Variants in SLFN12L observed in about 807,000 individuals in gnomAD.
SLFN12L encodes the protein schlafen family member 12-like.
Under a neutral mutation model 34.8 loss-of-function variants are expected in SLFN12L, and 34 were observed. The ratio of observed to expected loss-of-function variants is 0.98; its 90% CI spans 0.74 to 1.30. SLFN12L has a LOEUF of 1.30. Among genes scored for constraint, SLFN12L ranks in the 50% most tolerant of loss-of-function variants. The pLI is 0.00. For synonymous variants in SLFN12L, 259 were observed against 247.5 expected (o/e 1.05, Z -0.44); for missense variants, 703 against 696.2 (o/e 1.01, Z -0.11).
intron 2 of SLFN12L, among the ~76,000 whole-genome samples, chr17:35,514,353 G>A (rs1915746589): frequency 6.6e-6 from 1 of 152,158 alleles, no homozygotes; most frequent in Admixed American, 6.5e-5. Context: ...TCACAAACAC[G>A]ATCAAGTCTC....
intron 2 of SLFN12L, among the ~76,000 whole-genome samples, chr17:35,486,961 G>C (rs576905939): frequency 6.6e-6 from 1 of 152,322 alleles, no homozygotes; most frequent in South Asian, 2.1e-4. Context: ...CATTTAGTTC[G>C]GAACAGCACT....
intron 2 of SLFN12L, among the ~76,000 whole-genome samples, chr17:35,481,647 C>T (rs558191365): frequency 5.9e-5 from 9 of 152,270 alleles, no homozygotes; most frequent in South Asian, 4.1e-4. Flanking sequence ...TCAATAACAG[C>T]GCAGCCTGGC....
chr17:35,519,196 G>T (rs767331364), intron 2 of SLFN12L, among the ~76,000 whole-genome samples: 2 of 152,074 alleles, frequency 1.3e-5, no homozygotes, highest in African/African-American at 4.8e-5. Context: ...CAGAGGGTAG[G>T]GGGGCAAGGA....
At chr17:35,480,542 T>G (rs1426699390) in intron 2 of SLFN12L, 1 of 191,846 alleles carries the variant, frequency 5.2e-6, no homozygotes, top group Non-Finnish European at 1.0e-5. Flanking sequence ...TTTTATTTTC[T>G]CAGTGGACAA....
intron 2 of SLFN12L, among the ~76,000 whole-genome samples, chr17:35,513,519 GACAGATGCCACCAAGTACCA>G (rs929695670): frequency 1.1e-4 from 16 of 152,274 alleles, no homozygotes; most frequent in East Asian, 5.8e-4. Context: ...TGCTCAGTTC[GACAGATGCCACCAAGTACCA>G]ACAGATGCCA....
intron 2 of SLFN12L, among the ~76,000 whole-genome samples, chr17:35,503,912 AC>A (rs1244676562): frequency 1.3e-5 from 2 of 152,026 alleles, no homozygotes; most frequent in Non-Finnish European, 2.9e-5. Flanking sequence ...GACTCATCAC[AC>A]CCAAGCCAAG....
Position 35,475,379 on chromosome 17 carries a change from A to T in SLFN12L, c.1383T>A (p.Asn461Lys). The change falls in exon 5 of 5, where the codon AAT (asparagine) becomes AAA (lysine). Residue 461 changes from asparagine to lysine, a missense_variant. By Grantham distance (94) the Asn-to-Lys change is moderately conservative. Coordinates refer to ENST00000628453, the MANE Select transcript of SLFN12L (RefSeq NM_001363830.2). ...QLICEEMGSV[N>K]KGSLIFSRSW... is the part of the protein sequence containing the mutation. ...TCCTAGAGAAGATCAGTGAGCCCTTATTGACAGAGCCCATTTCTTCACATA... is the reference window on the plus strand; with the variant it reads ...TCCTAGAGAAGATCAGTGAGCCCTTTTTGACAGAGCCCATTTCTTCACATA... 5.0e-6 allele frequency: 8 copies of T among 1,614,212 alleles called. No homozygotes were observed. Among genetic ancestry groups the T allele is most frequent in the Middle Eastern group, 1.6e-4 (1 of 6,062 alleles).
intron 1 of SLFN12L, among the ~76,000 whole-genome samples, chr17:35,530,497 A>AG (rs2072395265): frequency 2.6e-5 from 1 of 37,824 alleles, no homozygotes; most frequent in African/African-American, 7.4e-5. Context: ...AGAAAGAAAG[A>AG]AAGAAAGAAA....
chr17:35,525,572 A>G (rs940528680), intron 1 of SLFN12L, among the ~76,000 whole-genome samples: 1 of 152,240 alleles, frequency 6.6e-6, no homozygotes, highest in Non-Finnish European at 1.5e-5. Flanking sequence ...TCTTAAAGAA[A>G]AGAATCGTCA....
At position 35,471,807 on chromosome 17, in the gene SLFN12L, A is replaced by G. The variant is rs956144873; in HGVS notation, c.*3116T>C. Among the ~76,000 whole-genome samples the G allele has an allele frequency of 2.6e-5, 4 of 152,040 alleles. No individual in the cohort carries two copies. Among genetic ancestry groups the G allele is most frequent in the African/African-American group, 9.7e-5 (4 of 41,410 alleles). On this transcript the variant is annotated 3_prime_UTR_variant, in exon 5 of 5. Transcript: ENST00000628453. ...TGTGGTTTTGATTTGCATTTCTCTA[A>G]TGATAAGTGATGTTGAGTTTTTTTT...
At chr17:35,497,910 C>A (rs1188378099) in intron 2 of SLFN12L, among the ~76,000 whole-genome samples, 1 of 152,268 alleles carries the variant, frequency 6.6e-6, no homozygotes, top group East Asian at 1.9e-4. Context: ...TTGGGCCAGG[C>A]GAAGTGGCTC....
At chr17:35,498,597 C>T in intron 2 of SLFN12L, 1 of 1,599,432 alleles carries the variant, frequency 6.3e-7, no homozygotes, top group Non-Finnish European at 8.6e-7. Flanking sequence ...TGGAATGTTT[C>T]TGCAGAAAGC....
intron 2 of SLFN12L, among the ~76,000 whole-genome samples, chr17:35,503,401 TAATGGTCCGACATTAAA>T (rs1915366590): frequency 6.6e-6 from 1 of 152,198 alleles, no homozygotes; most frequent in Non-Finnish European, 1.5e-5. Context: ...AAATCTTACC[TAATGGTCCGACATTAAA>T]AATTGAATAA....
At chr17:35,515,052 TTC>T in intron 2 of SLFN12L, 1 of 585,458 alleles carries the variant, frequency 1.7e-6, no homozygotes, top group South Asian at 1.4e-5. Context: ...CTCGGCCAGC[TTC>T]TGTTTCTTTC....
At chr17:35,530,518 A>AAAG (rs1408212151) in intron 1 of SLFN12L, among the ~76,000 whole-genome samples, 745 of 34,796 alleles carry the variant, frequency 0.021, 51 homozygotes, top group African/African-American at 0.054. Flanking sequence ...GAAAGAAAAG[A>AAAG]AAAGAAAAGA....
chr17:35,518,580 C>T (rs1915906704), intron 2 of SLFN12L, among the ~76,000 whole-genome samples: 1 of 150,194 alleles, frequency 6.7e-6, no homozygotes, highest in Non-Finnish European at 1.5e-5. Flanking sequence ...ATTTATGCAC[C>T]GAACAAACAT....
At position 35,502,439 on chromosome 17, in the gene SLFN12L, A is replaced by AAAAAAC. The variant is rs1215694106; in HGVS notation, c.86+19839_86+19840insGTTTTT. Among the ~76,000 whole-genome samples the AAAAAAC allele has an allele frequency of 9.3e-5, 14 of 150,290 alleles. No homozygotes were observed. The East Asian group carries it at 2.8e-3, about 30-fold the overall frequency. The stretch of plus-strand genomic sequence containing the variant: ...AGGAAAAAAAAAAAAAAAAAAAAAA[A>AAAAAAC]AAAACGATGATTTAACATTAACCAC... On this transcript the variant is annotated intron_variant, in intron 2 of 4. Transcript: ENST00000628453.
rs1914784374 is a variant in SLFN12L at position 35,490,315 on chromosome 17, T to C, written c.87-10120A>G. Reference sequence around the variant, plus strand: ...GAAGAGCTGCACTAAGAAGTCCAGATACTCCAAAAACTCCAAAATCTACCT... The same window carrying C: ...GAAGAGCTGCACTAAGAAGTCCAGACACTCCAAAAACTCCAAAATCTACCT... On this transcript the variant is annotated intron_variant, in intron 2 of 4. Transcript: ENST00000628453. The C allele has an allele frequency of 9.0e-6, 13 of 1,450,136 alleles. No homozygotes were observed. The East Asian group carries it at 3.0e-4, about 33-fold the overall frequency. The allele number at this position is 1,450,136 out of a possible 1,614,324, so 89.8% of individuals were successfully genotyped here. A position where few individuals can be genotyped will look rare whatever the true frequency, so the allele number is the denominator to read the frequency against.
intron 4 of SLFN12L, among the ~76,000 whole-genome samples, chr17:35,477,595 G>A (rs1215620356): frequency 6.6e-6 from 1 of 152,000 alleles, no homozygotes; most frequent in Non-Finnish European, 1.5e-5. Flanking sequence ...AAAAGATAAA[G>A]CCTATTACAA....
Sources: gnomAD v4.1 joint callset for allele counts (sites outside exome capture counted in the v4.1 genomes callset) on GRCh38, gnomAD v4.1.1 for gene constraint, MANE v1.5 for transcripts, NCBI Gene and HGNC (gene_info 2026-07-23, HGNC 2026-07-21) for gene names.